The following PCDHA7 variants were observed in gnomAD, a reference collection of about 807,000 sequenced individuals.
The protein encoded by PCDHA7 is protocadherin alpha 7, also known as protocadherin alpha-7.
Under a neutral mutation model 57.2 loss-of-function variants are expected in PCDHA7, and 37 were observed. The ratio of observed to expected loss-of-function variants is 0.65; its 90% CI spans 0.50 to 0.85. The LOEUF is 0.85. Ranked by LOEUF, PCDHA7 falls within the 40% of genes least tolerant of loss-of-function variation. The pLI is 0.00. For synonymous variants in PCDHA7, 553 were observed against 558.8 expected (o/e 0.99, Z 0.15); for missense variants, 1,188 against 1,241.8 (o/e 0.96, Z 0.65).
chr5:140,870,614 C>T, intron 1 of PCDHA7: 2 of 1,613,212 alleles, frequency 1.2e-6, no homozygotes, highest in Non-Finnish European at 1.7e-6. Context: ...CGCGCGCTGT[C>T]GAGCTACGTG....
chr5:140,943,435 A>G (rs941814689), intron 1 of PCDHA7, among the ~76,000 whole-genome samples: 2 of 152,148 alleles, frequency 1.3e-5, no homozygotes, highest in African/African-American at 4.8e-5. Flanking sequence ...AATATGATAT[A>G]AAGGATAGAA....
intron 3 of PCDHA7, among the ~76,000 whole-genome samples, chr5:141,005,572 C>T (rs548748234): frequency 4.6e-5 from 7 of 151,094 alleles, no homozygotes; most frequent in East Asian, 1.9e-4. Context: ...CATGGTGGCG[C>T]GTGCCTGTAG....
At chr5:140,966,666 C>T (rs2153748360) in intron 1 of PCDHA7, 7 of 1,259,308 alleles carry the variant, frequency 5.6e-6, no homozygotes, top group Non-Finnish European at 7.2e-6. Context: ...GGGGAGCAGG[C>T]GCAGGGTGGC....
At chr5:140,941,042 T>C (rs532611705) in intron 1 of PCDHA7, among the ~76,000 whole-genome samples, 11 of 152,310 alleles carry the variant, frequency 7.2e-5, no homozygotes, top group African/African-American at 2.2e-4. Context: ...TGGTGCCAAG[T>C]CAAATTCCCC....
chr5:140,979,359 T>C (rs1554240585), intron 2 of PCDHA7, among the ~76,000 whole-genome samples: 1 of 152,206 alleles, frequency 6.6e-6, no homozygotes, highest in Non-Finnish European at 1.5e-5. Context: ...TACTCATGCT[T>C]TGAGACTTGG....
intron 1 of PCDHA7, among the ~76,000 whole-genome samples, chr5:140,838,712 G>A (rs2150291764): frequency 1.3e-5 from 2 of 152,012 alleles, no homozygotes; most frequent in Non-Finnish European, 2.9e-5. Flanking sequence ...GAGGCAGGAG[G>A]ATTGCTTCAG....
In PCDHA7 at chr5:140,835,249, T is replaced by TA. The variant is rs2150232715; in HGVS notation, c.870dup (p.Ser291IlefsTer21). ...TTCTCCAGTGATGTTTCTCCAGATA[T>TA]AAAATCCAAGTTCCACATGGACCCC... On this transcript the variant is annotated frameshift_variant, in exon 1 of 4. Transcript: ENST00000525929. LOFTEE classifies it high-confidence loss of function. 20 of 1,605,414 alleles carry TA rather than the reference T, an allele frequency of 1.2e-5. No homozygotes were observed. The South Asian group carries it at 1.7e-4, about 13-fold the overall frequency.
chr5:140,923,719 G>A (rs906860011), intron 1 of PCDHA7, among the ~76,000 whole-genome samples: 5 of 152,182 alleles, frequency 3.3e-5, no homozygotes, highest in African/African-American at 1.2e-4. Context: ...GAATAAGAAT[G>A]CAATGTTATG....
rs1246720296 is a variant in PCDHA7, at chr5:140,996,308, AAGGGGGG to A, written c.2504-13314_2504-13308del. 2.6e-5 allele frequency among the ~76,000 whole-genome samples: 4 copies of A among 152,358 alleles called. No individual in the cohort carries two copies. The East Asian group carries it at 5.8e-4, about 22-fold the overall frequency. On this transcript the variant is annotated intron_variant, in intron 3 of 3. Coordinates refer to ENST00000525929, the MANE Select transcript of PCDHA7 (RefSeq NM_018910.3). ...CAAGAAGCACAGATTGTAACAAAGT[AAGGGGGG>A]AGGGTAGAGAAGAAAAGTTTGAAAA... is the stretch of plus-strand genomic sequence containing the variant.
At chr5:140,967,869 C>A in intron 1 of PCDHA7, 1 of 1,614,160 alleles carries the variant, frequency 6.2e-7, no homozygotes, top group South Asian at 1.1e-5. Flanking sequence ...GTGGTGCTCA[C>A]GGACCTGTAT....
chr5:140,968,715 A>G, intron 1 of PCDHA7: 1 of 1,614,132 alleles, frequency 6.2e-7, no homozygotes, highest in Non-Finnish European at 8.5e-7. Context: ...AAGATGGGAG[A>G]TGAGAGTGGT....
At chr5:140,841,430 G>C in intron 1 of PCDHA7, 5 of 1,612,964 alleles carry the variant, frequency 3.1e-6, no homozygotes, top group Non-Finnish European at 4.2e-6. Flanking sequence ...CTCCGTCCCC[G>C]AGGAGGCCAA....
chr5:140,968,301 A>G (rs886575781), intron 1 of PCDHA7: 9 of 1,613,914 alleles, frequency 5.6e-6, no homozygotes, highest in Non-Finnish European at 7.6e-6. Flanking sequence ...CTGGAGAGGG[A>G]GATTCAAGGG....
At chr5:140,947,106 C>T (rs1172898991) in intron 1 of PCDHA7, among the ~76,000 whole-genome samples, 2 of 151,140 alleles carry the variant, frequency 1.3e-5, no homozygotes, top group Non-Finnish European at 3.0e-5. Context: ...TAAATAGGTA[C>T]GTGTCAATTA....
At chr5:140,891,218 A>G (rs1554184722) in intron 1 of PCDHA7, among the ~76,000 whole-genome samples, 1 of 152,044 alleles carries the variant, frequency 6.6e-6, no homozygotes, top group African/African-American at 2.4e-5. Flanking sequence ...CTGTGTCTTT[A>G]TAATCATCCT....
chr5:140,894,293 T>A (rs782004160), intron 1 of PCDHA7, among the ~76,000 whole-genome samples: 1 of 152,100 alleles, frequency 6.6e-6, no homozygotes, highest in Non-Finnish European at 1.5e-5. Context: ...TGAAGTTTAT[T>A]TTCCTGGAAA....
chr5:140,942,608 T>G (rs1221656316), intron 1 of PCDHA7, among the ~76,000 whole-genome samples: 3 of 114,466 alleles, frequency 2.6e-5, no homozygotes, highest in Non-Finnish European at 5.4e-5. Context: ...AGTGTTTATA[T>G]TTGCCAATTG....
intron 1 of PCDHA7, among the ~76,000 whole-genome samples, chr5:140,963,380 G>A (rs1476855902): frequency 6.6e-6 from 1 of 152,198 alleles, no homozygotes; most frequent in Non-Finnish European, 1.5e-5. Context: ...GAGCACCTCT[G>A]TGCCAAGCTC....
chr5:140,926,181 C>T (rs1298109352), intron 1 of PCDHA7, among the ~76,000 whole-genome samples: 7 of 151,718 alleles, frequency 4.6e-5, no homozygotes, highest in Admixed American at 2.6e-4. Context: ...GCGGAAAGCC[C>T]CCCGCAGCAC....
Sources: allele counts gnomAD v4.1 joint callset (sites outside exome capture counted in the v4.1 genomes callset), GRCh38; gene constraint gnomAD v4.1.1; transcripts MANE v1.5; gene names NCBI Gene and HGNC (gene_info 2026-07-23, HGNC 2026-07-21).